Variants in CARHSP1 observed in about 807,000 individuals in gnomAD.
CARHSP1 encodes the protein calcium regulated heat stable protein 1.
CARHSP1 carries 14 observed loss-of-function variants against 12.5 expected under a neutral mutation model. The ratio of observed to expected loss-of-function variants is 1.12; its 90% CI spans 0.74 to 1.75. The LOEUF is 1.75. Among genes scored for constraint, CARHSP1 ranks in the 40% most tolerant of loss-of-function variants. The pLI, the probability that CARHSP1 is intolerant of heterozygous loss-of-function variation, is 0.00. For missense variants in CARHSP1, 343 were observed against 201.6 expected (o/e 1.70, Z -4.25); for synonymous variants, 161 against 82.0 (o/e 1.96, Z -5.20).
chr16:8,860,536 G>T (rs1398116300), intron 1 of CARHSP1: 13 of 985,238 alleles, frequency 1.3e-5, no homozygotes, highest in Non-Finnish European at 1.4e-5. Context: ...GAGGCCCTTG[G>T]GTAAGTCCTT....
At chr16:8,861,454 ACAT>A (rs1447007483) in intron 1 of CARHSP1, among the ~76,000 whole-genome samples, 1 of 151,134 alleles carries the variant, frequency 6.6e-6, no homozygotes, top group African/African-American at 2.4e-5. Flanking sequence ...TCTTCAACCT[ACAT>A]CACCCAAAAA....
intron 3 of CARHSP1, chr16:8,857,345 C>T (rs1175933291): frequency 1.5e-5 from 2 of 133,802 alleles, no homozygotes; most frequent in African/African-American, 2.8e-5. Flanking sequence ...TGCAATGGCG[C>T]GATCTCGGCT....
chr16:8,860,463 G>C, intron 1 of CARHSP1: 1 of 985,370 alleles, frequency 1.0e-6, no homozygotes. Context: ...TGAATATGAA[G>C]GTGTCGGCTC....
At chr16:8,855,590 G>A (rs1167737178) in intron 3 of CARHSP1, among the ~76,000 whole-genome samples, 2 of 152,224 alleles carry the variant, frequency 1.3e-5, no homozygotes, top group Non-Finnish European at 2.9e-5. Flanking sequence ...TCAGCCACCT[G>A]TGGGTGCTCA....
intron 3 of CARHSP1, among the ~76,000 whole-genome samples, chr16:8,855,859 G>C (rs919978872): frequency 6.6e-6 from 1 of 152,186 alleles, no homozygotes; most frequent in African/African-American, 2.4e-5. Context: ...GTCTTGTTCT[G>C]TTGCCCAGGC....
chr16:8,859,211 G>A lies in CARHSP1; in HGVS notation c.118C>T (p.Pro40Ser). The change falls in exon 2 of 4, where the codon CCA becomes TCA. Residue 40 changes from proline (P) to serine (S), a missense_variant. Coordinates refer to ENST00000311052, the MANE Select transcript of CARHSP1 (RefSeq NM_014316.4). ...SPSPLRGNVV[P>S]SPLPTRRTRT... ...GTCCGGCGAGTGGGCAGTGGGCTTG[G>A]GACCACGTTGCCCCGCAGAGGGGAT... 1.2e-6 allele frequency: 2 copies of A among 1,604,096 alleles called. No individual in the cohort carries two copies. The highest frequency in any genetic ancestry group is 1.7e-6 in the Non-Finnish European group (2 of 1,176,772).
chr16:8,864,746 G>A (rs1453061024), intron 1 of CARHSP1, among the ~76,000 whole-genome samples: 2 of 152,302 alleles, frequency 1.3e-5, no homozygotes, highest in Non-Finnish European at 2.9e-5. Context: ...GGGGCAGGAA[G>A]CCACGCCCAC....
At chr16:8,857,916 C>A (rs1389600608) in intron 3 of CARHSP1, 2 of 160,994 alleles carry the variant, frequency 1.2e-5, no homozygotes, top group African/African-American at 5.2e-5. Context: ...TGCCCGCCAC[C>A]ATGCCCGGCT....
intron 2 of CARHSP1, 29 bp downstream of exon 2, chr16:8,859,142 A>C (rs1255690400): frequency 1.5e-5 from 24 of 1,553,670 alleles, no homozygotes; most frequent in Non-Finnish European, 2.0e-5. Flanking sequence ...TCCATCTGAG[A>C]ACGCGTCCCC....
intron 3 of CARHSP1, among the ~76,000 whole-genome samples, chr16:8,857,275 T>TG (rs745394430): frequency 0.013 from 1,274 of 100,574 alleles, 57 homozygotes; most frequent in South Asian, 0.017. Flanking sequence ...TTTTTTTTTT[T>TG]TTTTTTTTTT....
At chr16:8,858,182 A>C in intron 3 of CARHSP1, 168 bp downstream of exon 3, 2 of 755,832 alleles carry the variant, frequency 2.6e-6, no homozygotes, top group Non-Finnish European at 2.1e-6. Flanking sequence ...CCCCAACCCA[A>C]CACACACACA....
At chr16:8,858,133 G>C in intron 3 of CARHSP1, 3 of 589,266 alleles carry the variant, frequency 5.1e-6, no homozygotes, top group Non-Finnish European at 9.0e-6. Flanking sequence ...GTCGCCCCCA[G>C]CCTCACATCC....
At chr16:8,866,770 G>A (rs1409433786) in intron 1 of CARHSP1, among the ~76,000 whole-genome samples, 2 of 151,682 alleles carry the variant, frequency 1.3e-5, no homozygotes, top group Non-Finnish European at 2.9e-5. Context: ...AGGGGAGGGG[G>A]CAGCCAGGCC....
At chr16:8,860,251 C>G in intron 1 of CARHSP1, 1 of 983,994 alleles carries the variant, frequency 1.0e-6, no homozygotes, top group Non-Finnish European at 1.2e-6. Context: ...GGAGAATTTC[C>G]AAGGCTGCAT....
intron 2 of CARHSP1, chr16:8,858,691 C>G: frequency 1.8e-6 from 1 of 545,216 alleles, no homozygotes; most frequent in East Asian, 3.0e-5. Flanking sequence ...TTTTCTCGGG[C>G]CTGTTTTCCC....
rs776464949 is a variant in CARHSP1 at position 8,855,118 on chromosome 16, G to A, written c.*46C>T. Reference sequence around the variant, plus strand: ...CTCCAGTGTCTGCTGCCTCCTCCCTGCAAAGTCTCCCACAAGCACAGGACA... The same window carrying A: ...CTCCAGTGTCTGCTGCCTCCTCCCTACAAAGTCTCCCACAAGCACAGGACA... On this transcript the variant is annotated 3_prime_UTR_variant, in exon 4 of 4. Coordinates refer to ENST00000311052, the MANE Select transcript of CARHSP1 (RefSeq NM_014316.4). 48 of 1,408,640 alleles carry A rather than the reference G, an allele frequency of 3.4e-5. No individual in the cohort carries two copies. The highest frequency in any genetic ancestry group is 7.3e-5 in the African/African-American group (5 of 68,218). The allele number at this position is 1,408,640 out of a possible 1,614,324, so 87.3% of individuals were successfully genotyped here. A position where few individuals can be genotyped will look rare whatever the true frequency, so the allele number is the denominator to read the frequency against.
At position 8,855,382 on chromosome 16, in the gene CARHSP1, C is replaced by A. The variant is rs577237155; in HGVS notation, c.282-56G>T. The stretch of plus-strand genomic sequence containing the variant: ...TCACACCGGGACACAGCTCCCTTCC[C>A]CAAGACACCAGCCACCCTTCTGGTC... On this transcript the variant is annotated intron_variant, in intron 3 of 3. Coordinates refer to ENST00000311052, the MANE Select transcript of CARHSP1 (RefSeq NM_014316.4). 22 of 1,388,550 alleles carry A rather than the reference C, an allele frequency of 1.6e-5. No homozygotes were observed. In the African/African-American group the frequency reaches 3.2e-4, roughly 20 times the overall value. 86.0% of individuals were successfully genotyped at this position (1,388,550 alleles called of 1,614,324 possible).
chr16:8,867,441 G>A (rs892256518), intron 1 of CARHSP1: 1 of 152,242 alleles, frequency 6.6e-6, no homozygotes, highest in Non-Finnish European at 1.5e-5. Context: ...TAGTGCGGCT[G>A]ATGGTGGAAG....
chr16:8,860,637 C>T (rs1657072), intron 1 of CARHSP1: 246,713 of 320,270 alleles, frequency 0.77, 95,421 homozygotes, highest in Admixed American at 0.78. Context: ...GATGGGGGTA[C>T]GAGATGAAGT....
Sources: allele counts gnomAD v4.1 joint callset (sites outside exome capture counted in the v4.1 genomes callset), GRCh38; gene constraint gnomAD v4.1.1; transcripts MANE v1.5; gene names NCBI Gene and HGNC (gene_info 2026-07-23, HGNC 2026-07-21).